Variants in NOCT observed in about 807,000 individuals in gnomAD.
NOCT encodes the protein CCR4 carbon catabolite repression 4-like.
NOCT carries 18 observed loss-of-function variants against 35.0 expected under a neutral mutation model. The ratio of observed to expected loss-of-function variants is 0.51; its 90% confidence interval spans 0.36 to 0.76. The LOEUF is 0.76. Ranked by LOEUF, NOCT falls within the 30% of genes least tolerant of loss-of-function variation. The pLI, the probability that NOCT is intolerant of heterozygous loss-of-function variation, is 0.01. For synonymous variants in NOCT, 235 were observed against 226.3 expected (o/e 1.04, Z -0.34); for missense variants, 479 against 541.0 (o/e 0.89, Z 1.14).
chr4:139,016,758 A>G (rs1486156200), intron 1 of NOCT, among the ~76,000 whole-genome samples: 1 of 136,996 alleles, frequency 7.3e-6, no homozygotes, highest in East Asian at 2.1e-4. Flanking sequence ...GGTTCAAGCG[A>G]TTCTCCTGCC....
At position 139,015,801 on chromosome 4, in the gene NOCT, T is replaced by C. The variant is rs987787634; in HGVS notation, c.-181T>C. 9 of 404,014 alleles carry C rather than the reference T, an allele frequency of 2.2e-5. No homozygotes were observed. Among genetic ancestry groups the C allele is most frequent in the Middle Eastern group, 1.4e-3 (2 of 1,452 alleles). The allele number at this position is 404,014 out of a possible 1,614,324, so 25.0% of individuals were successfully genotyped here. On this transcript the variant is annotated 5_prime_UTR_variant, in exon 1 of 3. Coordinates refer to ENST00000280614, the MANE Select transcript of NOCT (RefSeq NM_012118.4). ...ACAGCAGACGGTGCCGACGCAGCGG[T>C]GTTGCACCTCCCTCTCCGGCTCTGC...
chr4:139,023,364 C>A (rs1726451036), intron 1 of NOCT, among the ~76,000 whole-genome samples: 1 of 152,124 alleles, frequency 6.6e-6, no homozygotes, highest in Non-Finnish European at 1.5e-5. Context: ...GGATATAATA[C>A]TTTTCTATTT....
chr4:139,037,400 G>A (rs1726755169), intron 1 of NOCT, among the ~76,000 whole-genome samples: 3 of 152,120 alleles, frequency 2.0e-5, no homozygotes. Flanking sequence ...TATGAGTATA[G>A]AAATTCTGAA....
chr4:139,016,184 C>A lies in NOCT; in HGVS notation c.190+13C>A. 8.1e-7 allele frequency: 1 copy of A among 1,235,432 alleles called. No homozygotes were observed. Among genetic ancestry groups the A allele is most frequent in the South Asian group, 3.4e-5 (1 of 29,028 alleles). 76.5% of individuals were successfully genotyped at this position (1,235,432 alleles called of 1,614,324 possible). On this transcript the variant is annotated intron_variant, in intron 1 of 2. Transcript: ENST00000280614. ...TGTTCCCGAACAGGTGAGTGCACCC[C>A]AGTTCCGGGCGGAGAACGCCACGGC...
chr4:139,017,426 C>G (rs771969188), intron 1 of NOCT, among the ~76,000 whole-genome samples: 17 of 151,488 alleles, frequency 1.1e-4, no homozygotes, highest in Non-Finnish European at 2.2e-4. Flanking sequence ...TGGGGTTTCT[C>G]CATGTTGGTC....
chr4:139,043,312 C>T lies in NOCT; in HGVS notation c.429C>T (p.Ile143=), dbSNP rs1322601884. The change falls in exon 2 of 3, where the codon ATC becomes ATT. Residue 143 remains isoleucine, a synonymous_variant. Coordinates refer to ENST00000280614, the MANE Select transcript of NOCT (RefSeq NM_012118.4). ...RTDCPSTHPP[I]RVMQWNILAQ... is the part of the protein sequence containing the mutation. ...ATTGCCCTAGTACCCACCCACCTAT[C>T]AGGGTTATGCAATGGAACATCCTCG... 1.9e-6 allele frequency: 3 copies of T among 1,614,028 alleles called. No individual in the cohort carries two copies. In the African/African-American group the frequency reaches 4.0e-5, roughly 22 times the overall value.
intron 1 of NOCT, among the ~76,000 whole-genome samples, chr4:139,021,070 C>CAAA (rs942925444): frequency 1.1e-4 from 6 of 55,630 alleles, no homozygotes; most frequent in Admixed American, 2.0e-4. Context: ...TACTCTGTCT[C>CAAA]AAAAAAAAAA....
chr4:139,042,208 C>T (rs1363399338), intron 1 of NOCT, among the ~76,000 whole-genome samples: 1 of 150,382 alleles, frequency 6.6e-6, no homozygotes, highest in Non-Finnish European at 1.5e-5. Context: ...GCTGGGATTA[C>T]AGGCGCACAC....
chr4:139,044,300 T>TA (rs149038303), intron 2 of NOCT, among the ~76,000 whole-genome samples: 1 of 152,088 alleles, frequency 6.6e-6, no homozygotes, highest in African/African-American at 2.4e-5. Context: ...ATTTGGTGTT[T>TA]AAAAAAACCA....
In NOCT at chr4:139,045,602, CGCCTCCCGGGTTCATGGCATTCTCCT is replaced by C; in HGVS notation, c.*134_*159del. 1 of 547,796 alleles carries C rather than the reference CGCCTCCCGGGTTCATGGCATTCTCCT, an allele frequency of 1.8e-6. No homozygotes were observed. The highest frequency in any genetic ancestry group is 3.0e-6 in the Non-Finnish European group (1 of 332,176). 33.9% of individuals were successfully genotyped at this position (547,796 alleles called of 1,614,324 possible). ...CCTGATCTCGGCTCACTGCAAGATC[CGCCTCCCGGGTTCATGGCATTCTCCT>C]GCCTCAGCCTCCAGAGCAACTGGGA... On this transcript the variant is annotated 3_prime_UTR_variant, in exon 3 of 3. Coordinates refer to ENST00000280614, the MANE Select transcript of NOCT (RefSeq NM_012118.4).
At position 139,015,976 on chromosome 4, in the gene NOCT, C is replaced by A; in HGVS notation, c.-6C>A. ...GCGAGGGGCCGTGGTGGCGGCGGCG[C>A]CCGGCATGTTTCATAGTCCGCGGCG... On this transcript the variant is annotated 5_prime_UTR_variant, in exon 1 of 3. Coordinates refer to ENST00000280614, the MANE Select transcript of NOCT (RefSeq NM_012118.4). The A allele has an allele frequency of 7.4e-7, 1 of 1,353,142 alleles. No homozygotes were observed. The allele number at this position is 1,353,142 out of a possible 1,614,324, so 83.8% of individuals were successfully genotyped here.
At chr4:139,032,873 T>G (rs115841936) in intron 1 of NOCT, among the ~76,000 whole-genome samples, 408 of 152,324 alleles carry the variant, frequency 2.7e-3, no homozygotes, top group Non-Finnish European at 4.5e-3. Flanking sequence ...GAAAGGAATT[T>G]TTTTTAATGA....
chr4:139,041,367 A>T (rs1578633442), intron 1 of NOCT, among the ~76,000 whole-genome samples: 2 of 152,196 alleles, frequency 1.3e-5, no homozygotes, highest in East Asian at 3.8e-4. Flanking sequence ...CATTTATAAA[A>T]TGTTTATGTT....
chr4:139,030,806 C>T (rs564667588), intron 1 of NOCT, among the ~76,000 whole-genome samples: 3 of 152,124 alleles, frequency 2.0e-5, no homozygotes, highest in Non-Finnish European at 4.4e-5. Flanking sequence ...GTGTTCAACA[C>T]GCATGGCCAG....
Position 139,043,140 on chromosome 4 carries a change from C to T in NOCT, c.257C>T (p.Ala86Val), listed in dbSNP as rs767143424. The T allele has an allele frequency of 6.2e-7, 1 of 1,614,074 alleles. No homozygotes were observed. Among genetic ancestry groups the T allele is most frequent in the South Asian group, 1.1e-5 (1 of 91,080 alleles). ...SALAKTLNSS[A>V]ASQHPEYLVS... ...CTCGCCAAGACACTGAACAGCAGCG[C>T]TGCCTCCCAGCACCCAGAGTATTTG... is the stretch of plus-strand genomic sequence containing the variant. Residue 86 changes from alanine (A) to valine (V), a missense_variant, in exon 2 of 3, where the codon GCT becomes GTT. Ala to Val is a moderately conservative substitution (Grantham distance 64). This residue lies in a region of NOCT where 265 missense variants were observed against 257.0 expected (regional missense o/e 1.03). Coordinates refer to ENST00000280614, the MANE Select transcript of NOCT (RefSeq NM_012118.4).
chr4:139,040,719 GTTTA>G (rs1191444037), intron 1 of NOCT, among the ~76,000 whole-genome samples: 1 of 152,122 alleles, frequency 6.6e-6, no homozygotes, highest in Non-Finnish European at 1.5e-5. Context: ...AAACGTCACT[GTTTA>G]TTTCACATTT....
intron 1 of NOCT, among the ~76,000 whole-genome samples, chr4:139,034,688 C>T (rs1417950243): frequency 2.1e-4 from 32 of 151,982 alleles, no homozygotes; most frequent in Admixed American, 2.1e-3. Context: ...CCTCCCTCCT[C>T]AGCCCCTCAA....
chr4:139,020,745 CTG>C (rs1726394000), intron 1 of NOCT, among the ~76,000 whole-genome samples: 1 of 152,084 alleles, frequency 6.6e-6, no homozygotes, highest in Non-Finnish European at 1.5e-5. Flanking sequence ...TTGAGAAGCT[CTG>C]GAGAGGATTC....
intron 1 of NOCT, among the ~76,000 whole-genome samples, chr4:139,030,048 C>T (rs1205135554): frequency 6.6e-6 from 1 of 152,092 alleles, no homozygotes; most frequent in Non-Finnish European, 1.5e-5. Context: ...TGCCACCACG[C>T]CCAGCTAATT....
Sources: gnomAD v4.1 joint callset for allele counts (sites outside exome capture counted in the v4.1 genomes callset) on GRCh38, gnomAD v4.1.1 for gene constraint, gnomAD v4.1.1 regional missense constraint, MANE v1.5 for transcripts, NCBI Gene and HGNC (gene_info 2026-07-23, HGNC 2026-07-21) for gene names.